Variants in IMMP2L observed in about 807,000 individuals in gnomAD.
The protein encoded by IMMP2L is mitochondrial inner membrane protease subunit 2.
Under a neutral mutation model 19.3 loss-of-function variants are expected in IMMP2L, and 18 were observed. That is an observed-to-expected ratio of 0.93 (90% CI 0.64 to 1.38). The LOEUF (loss-of-function observed/expected upper bound fraction) is 1.38, where lower values mean the gene tolerates loss of function less well. Among genes scored for constraint, IMMP2L ranks in the 40% most tolerant of loss-of-function variants. The pLI, the probability that IMMP2L is intolerant of heterozygous loss-of-function variation, is 0.00. For missense variants in IMMP2L, 233 were observed against 218.2 expected (o/e 1.07, Z -0.43); for synonymous variants, 76 against 73.0 (o/e 1.04, Z -0.21).
chr7:111,314,791 T>C lies in IMMP2L; in HGVS notation c.239+172447A>G, dbSNP rs144893231. ...TGTGTTTTCTACAAGATTAAAGAAA[T>C]AAAATTATCCTATAGATTTTTCTAA... On this transcript the variant is annotated intron_variant, in intron 3 of 5. Transcript: ENST00000405709. Among the ~76,000 whole-genome samples, 153 of 152,238 alleles carry C rather than the reference T, an allele frequency of 1.0e-3. 1 individual carries two copies. The highest frequency in any genetic ancestry group is 3.5e-3 in the African/African-American group (144 of 41,566).
At chr7:110,796,760 A>G (rs1350454209) in intron 5 of IMMP2L, among the ~76,000 whole-genome samples, 1 of 152,184 alleles carries the variant, frequency 6.6e-6, no homozygotes, top group African/African-American at 2.4e-5. Flanking sequence ...AAGACCTGCA[A>G]GATCACAGGT....
intron 5 of IMMP2L, among the ~76,000 whole-genome samples, chr7:110,793,878 A>G (rs542274935): frequency 1.4e-3 from 216 of 152,286 alleles, no homozygotes; most frequent in African/African-American, 5.0e-3. Flanking sequence ...CTTTAAATGC[A>G]TATATACAGA....
chr7:110,772,097 T>C (rs1357583016), intron 5 of IMMP2L, among the ~76,000 whole-genome samples: 3 of 152,094 alleles, frequency 2.0e-5, no homozygotes, highest in Non-Finnish European at 4.4e-5. Context: ...TGAGGGTAAT[T>C]AGGCCTTAAT....
intron 4 of IMMP2L, among the ~76,000 whole-genome samples, chr7:110,946,520 A>C (rs1475469956): frequency 6.6e-6 from 1 of 152,108 alleles, no homozygotes; most frequent in Non-Finnish European, 1.5e-5. Flanking sequence ...CAGATGTTTC[A>C]ATTTCTAGAG....
At position 110,736,425 on chromosome 7, in the gene IMMP2L, AGACCCTGG is replaced by A. The variant is rs1469852019; in HGVS notation, c.409-72712_409-72705del. Among the ~76,000 whole-genome samples the A allele has an allele frequency of 1.1e-4, 16 of 152,292 alleles. No individual in the cohort carries two copies. The East Asian group carries it at 3.1e-3, about 29-fold the overall frequency. ...AGCTGTGTGGGCAGGACTACTTCCA[AGACCCTGG>A]ACCAGCAGAGCCACCAGCATGTAAT... is the stretch of plus-strand genomic sequence containing the variant. On this transcript the variant is annotated intron_variant, in intron 5 of 5. Transcript: ENST00000405709.
intron 5 of IMMP2L, among the ~76,000 whole-genome samples, chr7:110,835,952 A>G (rs1804422629): frequency 6.6e-6 from 1 of 152,096 alleles, no homozygotes. Flanking sequence ...TTGTAATTAC[A>G]TTTACACCCA....
chr7:111,366,344 G>GAAAA (rs34751093), intron 3 of IMMP2L, among the ~76,000 whole-genome samples: 1 of 118,024 alleles, frequency 8.5e-6, no homozygotes, highest in Non-Finnish European at 1.8e-5. Context: ...AAAAAAGAAA[G>GAAAA]AAAAAAAAAA....
chr7:111,063,022 T>C (rs770193869), intron 3 of IMMP2L, among the ~76,000 whole-genome samples: 114 of 152,346 alleles, frequency 7.5e-4, no homozygotes, highest in Admixed American at 2.2e-3. Context: ...CACTAGGCAG[T>C]GCCCCAGTAG....
At chr7:111,371,467 T>C (rs1365146868) in intron 3 of IMMP2L, among the ~76,000 whole-genome samples, 1 of 151,988 alleles carries the variant, frequency 6.6e-6, no homozygotes, top group Non-Finnish European at 1.5e-5. Flanking sequence ...CTTTGGATAA[T>C]GGGGTCACAA....
intron 3 of IMMP2L, among the ~76,000 whole-genome samples, chr7:111,000,187 C>A (rs1483671695): frequency 6.6e-6 from 1 of 152,208 alleles, no homozygotes; most frequent in Non-Finnish European, 1.5e-5. Context: ...TCCCTGTTTA[C>A]ATCCACATTT....
intron 3 of IMMP2L, among the ~76,000 whole-genome samples, chr7:111,439,165 C>A (rs1167497731): frequency 1.3e-5 from 2 of 151,858 alleles, no homozygotes; most frequent in Non-Finnish European, 2.9e-5. Flanking sequence ...CTGAAGTTTA[C>A]ATCCTTGCTT....
At chr7:110,847,140 G>A (rs550842103) in intron 5 of IMMP2L, among the ~76,000 whole-genome samples, 1 of 152,256 alleles carries the variant, frequency 6.6e-6, no homozygotes, top group Non-Finnish European at 1.5e-5. Context: ...TTCAAGCAAT[G>A]TTTGTTAAAT....
chr7:110,766,507 G>A (rs1042847903), intron 5 of IMMP2L, among the ~76,000 whole-genome samples: 23 of 146,844 alleles, frequency 1.6e-4, no homozygotes, highest in South Asian at 6.3e-4. Flanking sequence ...CAGGAGAATC[G>A]CTTGAACCCA....
At chr7:111,022,154 C>G (rs1368623180) in intron 3 of IMMP2L, among the ~76,000 whole-genome samples, 1 of 152,176 alleles carries the variant, frequency 6.6e-6, no homozygotes, top group African/African-American at 2.4e-5. Context: ...GTTCTGCCAA[C>G]AAATCCTAGT....
At chr7:110,710,968 G>C (rs1448665269) in intron 5 of IMMP2L, among the ~76,000 whole-genome samples, 9 of 19,486 alleles carry the variant, frequency 4.6e-4, no homozygotes, top group East Asian at 1.6e-3. Context: ...TATCCAACTT[G>C]CCAGTCTGTG....
chr7:111,335,739 T>TA (rs1202958275), intron 3 of IMMP2L, among the ~76,000 whole-genome samples: 1 of 152,142 alleles, frequency 6.6e-6, no homozygotes, highest in Non-Finnish European at 1.5e-5. Context: ...TTCTCTAACA[T>TA]TTATTGTGAC....
intron 1 of IMMP2L, among the ~76,000 whole-genome samples, chr7:111,543,725 G>C (rs2132997995): frequency 6.6e-6 from 1 of 152,250 alleles, no homozygotes; most frequent in Middle Eastern, 3.4e-3. Context: ...TTTTCCAAGA[G>C]AGAATCACAC....
intron 5 of IMMP2L, among the ~76,000 whole-genome samples, chr7:110,850,223 C>G (rs2131520574): frequency 6.6e-6 from 1 of 152,050 alleles, no homozygotes; most frequent in South Asian, 2.1e-4. Flanking sequence ...CTGGTCCATA[C>G]AAAATAAAGC....
chr7:110,706,411 T>C (rs569711999), intron 5 of IMMP2L, among the ~76,000 whole-genome samples: 3 of 152,328 alleles, frequency 2.0e-5, no homozygotes, highest in South Asian at 4.1e-4. Context: ...GCAGTAGTTC[T>C]AAGTTCTTTG....
Sources: allele counts gnomAD v4.1 joint callset (sites outside exome capture counted in the v4.1 genomes callset), GRCh38; gene constraint gnomAD v4.1.1; transcripts MANE v1.5; gene names NCBI Gene and HGNC (gene_info 2026-07-23, HGNC 2026-07-21).